Variants in UBR4 observed in about 807,000 individuals in gnomAD.
UBR4 encodes the protein E3 ubiquitin-protein ligase UBR4.
Under a neutral mutation model 575.6 loss-of-function variants are expected in UBR4, and 124 were observed. The observed-to-expected ratio is 0.22, with a 90% CI of 0.19 to 0.25. UBR4 has a LOEUF of 0.25. UBR4 is among the 10% of genes least tolerant of loss of function. The pLI is 1.00. For synonymous variants in UBR4, 2,455 were observed against 2,473.7 expected (o/e 0.99, Z 0.22); for missense variants, 4,818 against 6,478.8 (o/e 0.74, Z 8.80).
Position 19,096,213 on chromosome 1 carries a change from G to A in UBR4, c.13518+310C>T, listed in dbSNP as rs552378911. ...CAAAACCCTACAATGCAAGAAATGAGTTACATTACAAAATCCATTTTAAAA... is the reference window on the plus strand; with the variant it reads ...CAAAACCCTACAATGCAAGAAATGAATTACATTACAAAATCCATTTTAAAA... On this transcript the variant is annotated intron_variant, in intron 92 of 105. Coordinates refer to ENST00000375254, the MANE Select transcript of UBR4 (RefSeq NM_020765.3). Among the ~76,000 whole-genome samples the A allele has an allele frequency of 4.6e-5, 7 of 152,178 alleles. No individual in the cohort carries two copies. In the South Asian group the frequency reaches 1.5e-3, roughly 32 times the overall value.
intron 74 of UBR4, among the ~76,000 whole-genome samples, 167 bp downstream of exon 74, chr1:19,115,229 ACT>A (rs370299174): frequency 6.7e-6 from 1 of 150,206 alleles, no homozygotes; most frequent in Admixed American, 6.6e-5. Flanking sequence ...ACACTCACTC[ACT>A]CTCTCTTCTT....
At chr1:19,154,282 C>G (rs752646854) in intron 44 of UBR4, among the ~76,000 whole-genome samples, 4 of 152,198 alleles carry the variant, frequency 2.6e-5, no homozygotes, top group South Asian at 2.1e-4. Flanking sequence ...CCAAACACAT[C>G]GAGTTAGTGT....
Position 19,106,629 on chromosome 1 carries a change from A to G in UBR4, c.12333T>C (p.Arg4111=). Residue 4111 remains arginine (R), a synonymous_variant, in exon 83 of 106, where the codon CGT becomes CGC. Transcript: ENST00000375254. The stretch of plus-strand genomic sequence containing the variant: ...CCAAGGGGGAGGTCCTCTTCCCCCG[A>G]CGACTCAGGAACTGTTTCCACCTCC... ...YVWRWKQFLS[R]RGKRTSPLDL... 1 of 1,606,088 alleles carries G rather than the reference A, an allele frequency of 6.2e-7. No homozygotes were observed. The highest frequency in any genetic ancestry group is 1.1e-5 in the South Asian group (1 of 89,674).
chr1:19,198,601 C>G lies in UBR4; in HGVS notation c.588G>C (p.Gln196His). 6.2e-7 allele frequency: 1 copy of G among 1,614,114 alleles called. No homozygotes were observed. Among genetic ancestry groups the G allele is most frequent in the Non-Finnish European group, 8.5e-7 (1 of 1,180,000 alleles). Residue 196 changes from glutamine (Q) to histidine (H), a missense_variant, in exon 5 of 106, where the codon CAG becomes CAC. Physicochemically the swap from Gln to His is conservative, Grantham distance 24. Coordinates refer to ENST00000375254, the MANE Select transcript of UBR4 (RefSeq NM_020765.3). ...TTCTAGGGTTAAAAACTGAGGTCAG[C>G]TGGTTCAAAAAATTCATCTGTACCT... ...QKEVQMNFLN[Q>H]LTSVFNPRTV...
Position 19,117,124 on chromosome 1 carries a change from G to C in UBR4, c.10823+97C>G. The C allele has an allele frequency of 1.4e-6, 2 of 1,383,908 alleles. No individual in the cohort carries two copies. Among genetic ancestry groups the C allele is most frequent in the Non-Finnish European group, 2.0e-6 (2 of 993,234 alleles). 85.7% of individuals were successfully genotyped at this position (1,383,908 alleles called of 1,614,324 possible). A position where few individuals can be genotyped will look rare whatever the true frequency, so the allele number is the denominator to read the frequency against. Reference sequence around the variant, plus strand: ...GCCAAGAGGATGTATTAGGCCTCTAGGGATGTGCTGCCTTACTCCATTCCA... The same window carrying C: ...GCCAAGAGGATGTATTAGGCCTCTACGGATGTGCTGCCTTACTCCATTCCA... On this transcript the variant is annotated intron_variant, in intron 73 of 105. Coordinates refer to ENST00000375254, the MANE Select transcript of UBR4 (RefSeq NM_020765.3). This position sits in a 1 kb window ranked among gnomAD's most constrained non-coding sequence, Gnocchi z 4.0.
At position 19,117,104 on chromosome 1, in the gene UBR4, G is replaced by C. The variant is rs1488509926; in HGVS notation, c.10823+117C>G. 1.8e-6 allele frequency: 2 copies of C among 1,097,686 alleles called. No homozygotes were observed. Among genetic ancestry groups the C allele is most frequent in the African/African-American group, 3.1e-5 (2 of 63,698 alleles). The allele number at this position is 1,097,686 out of a possible 1,614,324, so 68.0% of individuals were successfully genotyped here. A position where few individuals can be genotyped will look rare whatever the true frequency, so the allele number is the denominator to read the frequency against. Reference sequence around the variant, plus strand: ...CTTTGGTCATGAATGGAGGGGCCAAGAGGATGTATTAGGCCTCTAGGGATG... The same window carrying C: ...CTTTGGTCATGAATGGAGGGGCCAACAGGATGTATTAGGCCTCTAGGGATG... On this transcript the variant is annotated intron_variant, in intron 73 of 105. Coordinates refer to ENST00000375254, the MANE Select transcript of UBR4 (RefSeq NM_020765.3). This position sits in a 1 kb window ranked among gnomAD's most constrained non-coding sequence, Gnocchi z 4.0.
In UBR4 at chr1:19,110,529, T is replaced by G; in HGVS notation, c.11893-65A>C. 6.5e-7 allele frequency: 1 copy of G among 1,531,558 alleles called. No homozygotes were observed. The highest frequency in any genetic ancestry group is 9.0e-7 in the Non-Finnish European group (1 of 1,112,474). 94.9% of individuals were successfully genotyped at this position (1,531,558 alleles called of 1,614,324 possible). A position where few individuals can be genotyped will look rare whatever the true frequency, so the allele number is the denominator to read the frequency against. On this transcript the variant is annotated intron_variant, in intron 79 of 105. Coordinates refer to ENST00000375254, the MANE Select transcript of UBR4 (RefSeq NM_020765.3). This position sits in a 1 kb window ranked among gnomAD's most constrained non-coding sequence, Gnocchi z 4.5. Reference sequence around the variant, plus strand: ...GCTCCGGTCCAGCGACTCTTAACTATTAATACAATTTCTGGTCCTAGGTGG... The same window carrying G: ...GCTCCGGTCCAGCGACTCTTAACTAGTAATACAATTTCTGGTCCTAGGTGG...
rs1043261474 is a variant in UBR4, at chr1:19,088,688, G to A, written c.14430+71C>T. 1.3e-6 allele frequency: 2 copies of A among 1,535,404 alleles called. No individual in the cohort carries two copies. The highest frequency in any genetic ancestry group is 1.7e-5 in the Admixed American group (1 of 58,824). ...TTCTCTTTCCCCATGGCCAACCCCA[G>A]GGCTGTCCCATGGCCACCTCCTCAT... On this transcript the variant is annotated intron_variant, in intron 98 of 105. Coordinates refer to ENST00000375254, the MANE Select transcript of UBR4 (RefSeq NM_020765.3). The surrounding 1 kb of genome is among the most constrained non-coding windows in gnomAD (Gnocchi z 4.0).
At chr1:19,135,825 T>A (rs1468729419) in intron 60 of UBR4, among the ~76,000 whole-genome samples, 1 of 152,056 alleles carries the variant, frequency 6.6e-6, no homozygotes, top group African/African-American at 2.4e-5. Context: ...TTTTCCAAAA[T>A]AAAAGACACT....
At chr1:19,156,682 A>AAG in intron 41 of UBR4, 85 bp downstream of exon 41, 6 of 1,513,026 alleles carry the variant, frequency 4.0e-6, no homozygotes, top group Non-Finnish European at 4.4e-6. Flanking sequence ...CACAACGAAT[A>AAG]AGAAAAAGTA....
chr1:19,204,023 G>C (rs2092880491), intron 1 of UBR4, among the ~76,000 whole-genome samples: 1 of 152,096 alleles, frequency 6.6e-6, no homozygotes, highest in African/African-American at 2.4e-5. Context: ...TTTTGAGACA[G>C]AGTCTCGCTC....
intron 28 of UBR4, 31 bp from the exon 29 acceptor site, chr1:19,167,262 G>A (rs765893571): frequency 6.2e-7 from 1 of 1,609,978 alleles, no homozygotes; most frequent in Admixed American, 1.7e-5. Flanking sequence ...TCGAGTTAGT[G>A]AATACACTCC....
At chr1:19,119,791 CCA>C in intron 69 of UBR4, 90 bp from the exon 70 acceptor site, 1 of 1,488,256 alleles carries the variant, frequency 6.7e-7, no homozygotes, top group South Asian at 1.2e-5. Context: ...CTCAATTTCC[CCA>C]CAATTATGGG....
Position 19,173,020 on chromosome 1 carries a change from T to C in UBR4, c.3365A>G (p.Tyr1122Cys). ...CTTTGAGATCGCGGCATCAAGGGTG[T>C]AGATGGACTGCAGACTGGGAATTTC... is the stretch of plus-strand genomic sequence containing the variant. ...LHEIPSLQSIYTLDAAISKVQ... is the reference protein window; with the variant it reads ...LHEIPSLQSICTLDAAISKVQ... The change falls in exon 25 of 106, where the codon TAC (tyrosine) becomes TGC (cysteine). Residue 1122 changes from tyrosine (Y) to cysteine (C), a missense_variant. Around this residue, in one of 29 missense-constraint regions of UBR4, gnomAD observed 1,172 missense variants for 1,259.7 expected, o/e 0.93. Coordinates refer to ENST00000375254, the MANE Select transcript of UBR4 (RefSeq NM_020765.3). 6.2e-7 allele frequency: 1 copy of C among 1,614,152 alleles called. No individual in the cohort carries two copies. The highest frequency in any genetic ancestry group is 8.5e-7 in the Non-Finnish European group (1 of 1,180,038).
intron 81 of UBR4, among the ~76,000 whole-genome samples, chr1:19,109,220 G>C (rs1282627641): frequency 6.6e-6 from 1 of 152,240 alleles, no homozygotes; most frequent in African/African-American, 2.4e-5. Flanking sequence ...AGGGCAAGTT[G>C]GTGGCAGAGC....
At chr1:19,087,053 G>A (rs2077082081) in intron 99 of UBR4, among the ~76,000 whole-genome samples, 1 of 152,254 alleles carries the variant, frequency 6.6e-6, no homozygotes, top group Non-Finnish European at 1.5e-5. Flanking sequence ...AGCAAGAAGG[G>A]GATGCGGTGC....
Position 19,187,156 on chromosome 1 carries a change from C to T in UBR4, c.1632+8G>A, listed in dbSNP as rs751248283. 1.2e-6 allele frequency: 2 copies of T among 1,602,102 alleles called. No individual in the cohort carries two copies. The highest frequency in any genetic ancestry group is 1.7e-5 in the Admixed American group (1 of 59,412). ...TTCTAAATTATCAATGGCTTAACTC[C>T]CACCCACCTTTCTGTAGGAAGTTGA... On this transcript the variant is annotated splice_region_variant and intron_variant, in intron 13 of 105. Transcript: ENST00000375254.
intron 60 of UBR4, among the ~76,000 whole-genome samples, chr1:19,133,243 A>G (rs1399455940): frequency 6.6e-6 from 1 of 152,206 alleles, no homozygotes; most frequent in African/African-American, 2.4e-5. Context: ...GCTTAATAAT[A>G]GAAAAATCAA....
intron 73 of UBR4, among the ~76,000 whole-genome samples, chr1:19,116,768 AC>A (rs2080588289): frequency 6.6e-6 from 1 of 152,244 alleles, no homozygotes. Context: ...GAGAAAAGGC[AC>A]CATGTGGAAA....
Sources: gnomAD v4.1 joint callset for allele counts (sites outside exome capture counted in the v4.1 genomes callset) on GRCh38, gnomAD v4.1.1 for gene constraint, gnomAD v4.1.1 regional missense constraint, Gnocchi (gnomAD v3.1) non-coding constraint, MANE v1.5 for transcripts, NCBI Gene and HGNC (gene_info 2026-07-23, HGNC 2026-07-21) for gene names.